SRPK1: variants seen among roughly 807,000 people sequenced by gnomAD.
The protein encoded by SRPK1 is SRSF protein kinase 1, also known as SFRS protein kinase 1.
Under a neutral mutation model 89.5 loss-of-function variants are expected in SRPK1, and 52 were observed. The ratio of observed to expected loss-of-function variants is 0.58; its 90% CI spans 0.46 to 0.73. The LOEUF (loss-of-function observed/expected upper bound fraction) is 0.73, where lower values mean the gene tolerates loss of function less well. SRPK1 is among the 30% of genes least tolerant of loss of function. The pLI is 0.00. For missense variants in SRPK1, 603 were observed against 780.6 expected, an observed-to-expected ratio of 0.77 and a Z score of 2.71; for synonymous variants, 255 against 270.2, an observed-to-expected ratio of 0.94 and a Z score of 0.55.
intron 13 of SRPK1, among the ~76,000 whole-genome samples, chr6:35,848,760 T>C (rs530667345): frequency 6.6e-6 from 1 of 152,304 alleles, no homozygotes; most frequent in African/African-American, 2.4e-5. Context: ...GGGAAAAGGA[T>C]AGTCTCTTCA....
intron 13 of SRPK1, among the ~76,000 whole-genome samples, chr6:35,855,405 CAA>C (rs1323139727): frequency 1.3e-5 from 2 of 152,008 alleles, no homozygotes; most frequent in African/African-American, 2.4e-5. Flanking sequence ...GCTTTGAAGA[CAA>C]AGTTTTTCAG....
At chr6:35,918,963 G>C (rs886915364) in intron 2 of SRPK1, among the ~76,000 whole-genome samples, 3 of 152,162 alleles carry the variant, frequency 2.0e-5, no homozygotes, top group African/African-American at 7.2e-5. Flanking sequence ...AAAAAATACA[G>C]AGTAATATAA....
intron 2 of SRPK1, chr6:35,920,217 C>G (rs914534782): frequency 1.7e-6 from 1 of 593,774 alleles, no homozygotes; most frequent in Admixed American, 2.2e-5. Flanking sequence ...GGAAAGGTAC[C>G]GGGCGGGCTC....
chr6:35,891,315 G>T (rs1770512521), intron 2 of SRPK1, among the ~76,000 whole-genome samples: 1 of 152,082 alleles, frequency 6.6e-6, no homozygotes, highest in Admixed American at 6.5e-5. Flanking sequence ...CCATTATGTT[G>T]CTGTATCTTC....
Position 35,874,259 on chromosome 6 carries a change from G to A in SRPK1, c.559C>T (p.Pro187Ser), listed in dbSNP as rs1770106818. Reference sequence around the variant, plus strand: ...TGCTGAATAATTTTTTTGACACAAGGCAGTGGAAGCCCCTGATAATTGGAT... The same window carrying A: ...TGCTGAATAATTTTTTTGACACAAGACAGTGGAAGCCCCTGATAATTGGAT... The part of the protein sequence containing the change: ...IKSNYQGLPL[P>S]CVKKIIQQVL... The change falls in exon 7 of 16, where the codon CCT (proline) becomes TCT (serine). Residue 187 changes from proline to serine, a missense_variant. Transcript: ENST00000373825. The A allele has an allele frequency of 6.2e-7, 1 of 1,612,934 alleles. No individual in the cohort carries two copies. Among genetic ancestry groups the A allele is most frequent in the East Asian group, 2.2e-5 (1 of 44,862 alleles).
At chr6:35,895,435 TTGTGTGTGTGTG>T (rs10566123) in intron 2 of SRPK1, among the ~76,000 whole-genome samples, 2 of 147,868 alleles carry the variant, frequency 1.4e-5, no homozygotes, top group Non-Finnish European at 3.0e-5. Context: ...AGGCATATGC[TTGTGTGTGTGTG>T]TGTGTGTGTG....
At chr6:35,872,490 C>T in intron 8 of SRPK1, 73 bp downstream of exon 8, 1 of 1,355,702 alleles carries the variant, frequency 7.4e-7, no homozygotes, top group Non-Finnish European at 9.7e-7. Flanking sequence ...TGTTTAATTC[C>T]CTGGTAACAG....
At chr6:35,911,205 A>G (rs1234624599) in intron 2 of SRPK1, among the ~76,000 whole-genome samples, 1 of 152,192 alleles carries the variant, frequency 6.6e-6, no homozygotes, top group Non-Finnish European at 1.5e-5. Context: ...TCATGGGGAG[A>G]GGTAAAAATA....
At chr6:35,883,585 A>C (rs775845759) in intron 6 of SRPK1, among the ~76,000 whole-genome samples, 47 of 152,322 alleles carry the variant, frequency 3.1e-4, no homozygotes, top group Middle Eastern at 3.4e-3. Context: ...ATTTGTAAGC[A>C]GTGATATTAA....
intron 12 of SRPK1, among the ~76,000 whole-genome samples, chr6:35,866,098 A>G (rs952724765): frequency 7.9e-5 from 12 of 152,224 alleles, no homozygotes; most frequent in African/African-American, 2.7e-4. Flanking sequence ...ATGGCCAACA[A>G]ATAAATGAAA....
rs541221341 is a variant in SRPK1 at position 35,836,560 on chromosome 6, C to T, written c.1784-1072G>A. Among the ~76,000 whole-genome samples, 279 of 152,000 alleles carry T rather than the reference C, an allele frequency of 1.8e-3. 2 individuals carry two copies. Among genetic ancestry groups the T allele is most frequent in the Non-Finnish European group, 3.1e-3 (210 of 67,980 alleles). ...TTGAGCTCAGGAGTTCAAGACCAGC[C>T]TGGGCAACATAGTGAAACCCTGCCT... On this transcript the variant is annotated intron_variant, in intron 15 of 15. Coordinates refer to ENST00000373825, the MANE Select transcript of SRPK1 (RefSeq NM_003137.5).
At chr6:35,891,842 T>C (rs1217017079) in intron 2 of SRPK1, among the ~76,000 whole-genome samples, 1 of 152,230 alleles carries the variant, frequency 6.6e-6, no homozygotes, top group African/African-American at 2.4e-5. Context: ...AAAAATATAG[T>C]TGTTGAATAC....
intron 2 of SRPK1, among the ~76,000 whole-genome samples, chr6:35,896,326 T>C (rs1222486368): frequency 6.6e-6 from 1 of 152,180 alleles, no homozygotes; most frequent in East Asian, 1.9e-4. Flanking sequence ...GTCTCATACA[T>C]TTGGTCACAG....
intron 2 of SRPK1, chr6:35,920,233 C>T: frequency 1.6e-6 from 1 of 615,172 alleles, no homozygotes; most frequent in African/African-American, 1.8e-5. Context: ...GGCTCTGGTC[C>T]TCCTCCGACA....
At chr6:35,855,925 T>C (rs955401338) in intron 13 of SRPK1, among the ~76,000 whole-genome samples, 3 of 152,150 alleles carry the variant, frequency 2.0e-5, no homozygotes, top group Non-Finnish European at 4.4e-5. Flanking sequence ...CAGGGTTTCA[T>C]CATGTTGGTC....
At chr6:35,862,661 A>C (rs1349612938) in intron 12 of SRPK1, among the ~76,000 whole-genome samples, 1 of 152,202 alleles carries the variant, frequency 6.6e-6, no homozygotes, top group East Asian at 1.9e-4. Context: ...TTGTCCAGCA[A>C]CAGATCCCAA....
At chr6:35,917,061 A>AAAAAC (rs112199076) in intron 2 of SRPK1, among the ~76,000 whole-genome samples, 66,327 of 150,878 alleles carry the variant, frequency 0.44, 15,800 homozygotes, top group African/African-American at 0.63. Flanking sequence ...CTCTGTCTCA[A>AAAAAC]AAAACAAAAC....
At chr6:35,842,327 GCC>G (rs1448174844) in intron 14 of SRPK1, among the ~76,000 whole-genome samples, 7 of 152,136 alleles carry the variant, frequency 4.6e-5, no homozygotes, top group African/African-American at 1.7e-4. Flanking sequence ...GTGAACTGTG[GCC>G]TTTTGACTCT....
chr6:35,878,357 A>G (rs935128421), intron 6 of SRPK1, among the ~76,000 whole-genome samples: 58 of 152,204 alleles, frequency 3.8e-4, no homozygotes, highest in African/African-American at 1.4e-3. Flanking sequence ...CGTAAACTAG[A>G]GAAGAGTCTG....
Sources: allele counts gnomAD v4.1 joint callset (sites outside exome capture counted in the v4.1 genomes callset), GRCh38; gene constraint gnomAD v4.1.1; transcripts MANE v1.5; gene names NCBI Gene and HGNC (gene_info 2026-07-23, HGNC 2026-07-21).